Variants in YAF2 observed in about 807,000 individuals in gnomAD.
The protein encoded by YAF2 is YY1-associated factor 2.
A neutral mutation model predicts 20.1 loss-of-function variants in YAF2; 7 were observed. The observed-to-expected ratio is 0.35, with a 90% confidence interval of 0.20 to 0.65. YAF2 has a LOEUF of 0.65. Among genes scored for constraint, YAF2 ranks in the 30% least tolerant of loss-of-function variants. The probability of loss-of-function intolerance (pLI) is 0.69; values close to 1 mark genes in which losing one functional copy is unlikely to be tolerated. For synonymous variants in YAF2, 74 were observed against 76.0 expected (o/e 0.97, Z 0.14); for missense variants, 151 against 219.2 (o/e 0.69, Z 1.96).
intron 2 of YAF2, among the ~76,000 whole-genome samples, chr12:42,221,796 CAAG>C (rs927868485): frequency 2.0e-5 from 3 of 152,178 alleles, no homozygotes; most frequent in Non-Finnish European, 2.9e-5. Flanking sequence ...AAAATCCCAA[CAAG>C]AAGGTTTTGA....
intron 2 of YAF2, chr12:42,235,931 CA>C (rs2068137885): frequency 6.5e-7 from 1 of 1,536,010 alleles, no homozygotes; most frequent in Admixed American, 2.0e-5. Flanking sequence ...CTCTATTTCT[CA>C]GGGTTCCTCT....
chr12:42,207,328 G>A (rs2067072659), intron 2 of YAF2, among the ~76,000 whole-genome samples: 1 of 152,102 alleles, frequency 6.6e-6, no homozygotes, highest in South Asian at 2.1e-4. Flanking sequence ...TGAAAAGAAA[G>A]CAATAATCTT....
intron 2 of YAF2, 98 bp downstream of exon 2, chr12:42,237,501 G>A (rs1469795944): frequency 2.2e-6 from 3 of 1,363,418 alleles, no homozygotes; most frequent in Non-Finnish European, 2.9e-6. Context: ...TCCTCCCGCC[G>A]GGTCCGCCAG....
At chr12:42,166,624 C>G (rs142013099) in intron 2 of YAF2, among the ~76,000 whole-genome samples, 11 of 152,222 alleles carry the variant, frequency 7.2e-5, no homozygotes, top group South Asian at 2.1e-4. Context: ...GAAAAATGAA[C>G]AAGGATATTG....
At chr12:42,215,912 G>A (rs993450032) in intron 2 of YAF2, among the ~76,000 whole-genome samples, 9 of 151,250 alleles carry the variant, frequency 6.0e-5, no homozygotes, top group Non-Finnish European at 1.3e-4. Flanking sequence ...GCGACAGAGC[G>A]AGATTCCAGC....
intron 2 of YAF2, among the ~76,000 whole-genome samples, chr12:42,207,364 A>C (rs969224030): frequency 6.6e-6 from 1 of 152,356 alleles, no homozygotes; most frequent in South Asian, 2.1e-4. Context: ...TGCAAAAATC[A>C]AGGATACTGT....
chr12:42,196,415 C>A (rs1021876981), intron 2 of YAF2, among the ~76,000 whole-genome samples: 1 of 151,990 alleles, frequency 6.6e-6, no homozygotes, highest in Admixed American at 6.6e-5. Context: ...GGAACCAGTA[C>A]ATGAAACGAT....
chr12:42,221,571 T>A (rs1565649156), intron 2 of YAF2, among the ~76,000 whole-genome samples: 1 of 152,064 alleles, frequency 6.6e-6, no homozygotes, highest in South Asian at 2.1e-4. Flanking sequence ...TAAAAAAAAT[T>A]TTTTTTAAGT....
rs183805415 is a variant in YAF2 at position 42,186,146 on chromosome 12, C to T, written c.153-24381G>A. Among the ~76,000 whole-genome samples the T allele has an allele frequency of 6.1e-5, 9 of 146,810 alleles. No individual in the cohort carries two copies. The East Asian group carries it at 1.4e-3, about 24-fold the overall frequency. On this transcript the variant is annotated intron_variant, in intron 2 of 3. Coordinates refer to ENST00000534854, the MANE Select transcript of YAF2 (RefSeq NM_005748.6). ...GCAGAGGTTGCAGTGGCTGAGATTGCGCCACTGTACTCCAGCCTGGGCACC... is the reference window on the plus strand; with the variant it reads ...GCAGAGGTTGCAGTGGCTGAGATTGTGCCACTGTACTCCAGCCTGGGCACC...
chr12:42,174,069 C>T (rs1041602672), intron 2 of YAF2, among the ~76,000 whole-genome samples: 2 of 140,680 alleles, frequency 1.4e-5, no homozygotes, highest in East Asian at 2.2e-4. Context: ...TGTCAGCATA[C>T]AAAATATTTC....
At chr12:42,197,792 A>G (rs766421144) in intron 2 of YAF2, among the ~76,000 whole-genome samples, 46 of 152,356 alleles carry the variant, frequency 3.0e-4, no homozygotes, top group Non-Finnish European at 5.7e-4. Flanking sequence ...TTTGAAATAA[A>G]TTATAGAAAA....
intron 2 of YAF2, among the ~76,000 whole-genome samples, chr12:42,196,916 A>G (rs2137132930): frequency 6.6e-6 from 1 of 152,322 alleles, no homozygotes; most frequent in South Asian, 2.1e-4. Flanking sequence ...CTGGGACCTC[A>G]AGGCAGTGAA....
At chr12:42,219,700 C>T (rs745474366) in intron 2 of YAF2, among the ~76,000 whole-genome samples, 11 of 152,156 alleles carry the variant, frequency 7.2e-5, no homozygotes, top group Admixed American at 3.9e-4. Context: ...GAATACCTCA[C>T]ACCCCGTCCA....
At chr12:42,204,313 C>T (rs1389506201) in intron 2 of YAF2, among the ~76,000 whole-genome samples, 1 of 152,164 alleles carries the variant, frequency 6.6e-6, no homozygotes. Context: ...TATATATAGT[C>T]AGCGCTCCAT....
intron 2 of YAF2, among the ~76,000 whole-genome samples, chr12:42,198,107 T>A (rs142369189): frequency 9.1e-4 from 138 of 152,126 alleles, no homozygotes; most frequent in African/African-American, 3.0e-3. Context: ...ATGTTGGGCC[T>A]CACCTTATAA....
chr12:42,226,080 A>C (rs1357289733), intron 2 of YAF2, among the ~76,000 whole-genome samples: 1 of 152,146 alleles, frequency 6.6e-6, no homozygotes, highest in East Asian at 1.9e-4. Flanking sequence ...TTCTCCTTGA[A>C]GAGGTCCTTC....
intron 2 of YAF2, among the ~76,000 whole-genome samples, chr12:42,187,907 C>G (rs183365699): frequency 6.6e-6 from 1 of 152,284 alleles, no homozygotes; most frequent in Non-Finnish European, 1.5e-5. Context: ...GGATCATTCA[C>G]TCTGGGGGAA....
rs539759872 is a variant in YAF2, at chr12:42,199,722, GAC to G, written c.152+37875_152+37876del. ...GTTTCACAAGCTAGCACTAACCAAAGACACAGAATACGGTAATACTGACTGAG... is the reference window on the plus strand; with the variant it reads ...GTTTCACAAGCTAGCACTAACCAAAGACAGAATACGGTAATACTGACTGAG... On this transcript the variant is annotated intron_variant, in intron 2 of 3. Transcript: ENST00000534854. Among the ~76,000 whole-genome samples, 18 of 151,946 alleles carry G rather than the reference GAC, an allele frequency of 1.2e-4. No individual in the cohort carries two copies. In the South Asian group the frequency reaches 2.7e-3, roughly 23 times the overall value.
At chr12:42,165,232 C>G (rs1185491412) in intron 2 of YAF2, among the ~76,000 whole-genome samples, 2 of 151,912 alleles carry the variant, frequency 1.3e-5, no homozygotes, top group African/African-American at 4.8e-5. Context: ...ATAGAGAAAA[C>G]AGGAGGAGGA....
Sources: allele counts gnomAD v4.1 joint callset (sites outside exome capture counted in the v4.1 genomes callset), GRCh38; gene constraint gnomAD v4.1.1; transcripts MANE v1.5; gene names NCBI Gene and HGNC (gene_info 2026-07-23, HGNC 2026-07-21).